The following CWF19L2 variants were observed in gnomAD, a reference collection of about 807,000 sequenced individuals.
CWF19L2 encodes CWF19 like cell cycle control factor 2.
A neutral mutation model predicts 111.7 loss-of-function variants in CWF19L2; 98 were observed. The ratio of observed to expected loss-of-function variants is 0.88; its 90% CI spans 0.75 to 1.04. The LOEUF is 1.04. Ranked by LOEUF, CWF19L2 falls within the 50% of genes least tolerant of loss-of-function variation. The pLI, the probability that CWF19L2 is intolerant of heterozygous loss-of-function variation, is 0.00. For missense variants in CWF19L2, 1,101 were observed against 1,051.4 expected, an observed-to-expected ratio of 1.05 and a Z score of -0.65; for synonymous variants, 351 against 342.9, an observed-to-expected ratio of 1.02 and a Z score of -0.26.
chr11:107,421,374 T>A (rs11212218), intron 8 of CWF19L2, among the ~76,000 whole-genome samples: 6,127 of 151,756 alleles, frequency 0.04, 155 homozygotes, highest in East Asian at 0.11. Context: ...AAACAAAGTT[T>A]AAAAAATTCA....
At chr11:107,337,418 A>C (rs1859943631) in intron 14 of CWF19L2, among the ~76,000 whole-genome samples, 1 of 149,174 alleles carries the variant, frequency 6.7e-6, no homozygotes, top group African/African-American at 2.5e-5. Context: ...TGTATTTCAC[A>C]CTCCTAGGCC....
Position 107,454,463 on chromosome 11 carries a change from G to T in CWF19L2, c.326C>A (p.Ser109Tyr). Reference protein sequence around the residue: ...KQKYEKNNESSDSSSSSEDEW... With the variant: ...KQKYEKNNESYDSSSSSEDEW... ...GTACATACTTACTGATGAGCTATCA[G>T]ATGACTCATTGTTTTTTTCATATTT... The change falls in exon 3 of 18, where the codon TCT becomes TAT. Residue 109 changes from serine to tyrosine, a missense_variant. Ser to Tyr is a moderately radical substitution (Grantham distance 144). Transcript: ENST00000282251. The T allele has an allele frequency of 6.9e-7, 1 of 1,439,738 alleles. No individual in the cohort carries two copies. The allele number at this position is 1,439,738 out of a possible 1,614,324, so 89.2% of individuals were successfully genotyped here.
At chr11:107,456,685 G>T (rs938872769) in intron 1 of CWF19L2, among the ~76,000 whole-genome samples, 8 of 151,918 alleles carry the variant, frequency 5.3e-5, no homozygotes, top group Non-Finnish European at 1.2e-4. Context: ...TCATGGAGAG[G>T]TAGTCCAACA....
At chr11:107,357,886 G>A (rs1860261982) in intron 12 of CWF19L2, among the ~76,000 whole-genome samples, 1 of 152,154 alleles carries the variant, frequency 6.6e-6, no homozygotes, top group Non-Finnish European at 1.5e-5. Flanking sequence ...GTGTAAGATG[G>A]AAAAAGTGAA....
intron 13 of CWF19L2, among the ~76,000 whole-genome samples, chr11:107,352,280 C>T (rs1439185862): frequency 1.7e-5 from 1 of 59,576 alleles, no homozygotes; most frequent in Non-Finnish European, 3.2e-5. Context: ...TTCGTGTTCC[C>T]ACGAAATGCA....
intron 12 of CWF19L2, among the ~76,000 whole-genome samples, chr11:107,379,350 G>T (rs1051175255): frequency 6.6e-6 from 1 of 152,206 alleles, no homozygotes; most frequent in Non-Finnish European, 1.5e-5. Flanking sequence ...GTTGCTATTG[G>T]TATTTGCTGG....
At chr11:107,434,672 C>CAAAA (rs71044301) in intron 6 of CWF19L2, among the ~76,000 whole-genome samples, 2 of 115,816 alleles carry the variant, frequency 1.7e-5, no homozygotes, top group Admixed American at 8.9e-5. Context: ...TATTACACAG[C>CAAAA]AAAAAAAAAA....
chr11:107,445,566 T>C (rs983055171), intron 3 of CWF19L2, among the ~76,000 whole-genome samples: 5 of 150,648 alleles, frequency 3.3e-5, no homozygotes, highest in Non-Finnish European at 5.9e-5. Flanking sequence ...ATCGTGCCAT[T>C]GCACTCCAGC....
At chr11:107,444,191 A>G (rs1341182065) in intron 3 of CWF19L2, among the ~76,000 whole-genome samples, 1 of 150,848 alleles carries the variant, frequency 6.6e-6, no homozygotes, top group African/African-American at 2.4e-5. Context: ...CCATTCTCAG[A>G]TGAACTTCTT....
At chr11:107,360,438 A>G (rs1860309487) in intron 12 of CWF19L2, among the ~76,000 whole-genome samples, 1 of 152,256 alleles carries the variant, frequency 6.6e-6, no homozygotes, top group Non-Finnish European at 1.5e-5. Context: ...CACTGCCACA[A>G]TAGACATACA....
At chr11:107,444,292 A>T (rs1436955202) in intron 3 of CWF19L2, among the ~76,000 whole-genome samples, 1 of 152,066 alleles carries the variant, frequency 6.6e-6, no homozygotes, top group East Asian at 1.9e-4. Context: ...CCATTAATCT[A>T]CTGAAACTTC....
chr11:107,382,105 G>A (rs182333958), intron 12 of CWF19L2, among the ~76,000 whole-genome samples: 36 of 152,252 alleles, frequency 2.4e-4, no homozygotes, highest in African/African-American at 7.5e-4. Flanking sequence ...CTGAGTTTAC[G>A]TTGCCAAGGT....
chr11:107,442,949 T>A lies in CWF19L2; in HGVS notation c.440A>T (p.Gln147Leu). Residue 147 changes from glutamine to leucine, a missense_variant, in exon 4 of 18, where the codon CAA (glutamine) becomes CTA (leucine). Physicochemically the swap from Gln to Leu is moderately radical, Grantham distance 113. Transcript: ENST00000282251. Reference sequence around the variant, plus strand: ...AAGTGGCTTGCTTACCTTGATAATTTGGGTGTCATCTTTTCCTGACTTTTC... The same window carrying A: ...AAGTGGCTTGCTTACCTTGATAATTAGGGTGTCATCTTTTCCTGACTTTTC... ...KDEKSGKDDTQIIKRDEWMTV... is the reference protein window; with the variant it reads ...KDEKSGKDDTLIIKRDEWMTV... 6.5e-7 allele frequency: 1 copy of A among 1,545,892 alleles called. No individual in the cohort carries two copies. The highest frequency in any genetic ancestry group is 8.8e-7 in the Non-Finnish European group (1 of 1,141,612).
At chr11:107,359,653 C>T (rs375175731) in intron 12 of CWF19L2, among the ~76,000 whole-genome samples, 3 of 152,062 alleles carry the variant, frequency 2.0e-5, no homozygotes, top group African/African-American at 7.2e-5. Context: ...TGGTTCACAC[C>T]TGTAATCCCA....
chr11:107,353,662 A>T lies in CWF19L2; in HGVS notation c.1947T>A (p.Arg649=). 7 of 1,613,790 alleles carry T rather than the reference A, an allele frequency of 4.3e-6. No homozygotes were observed. Among genetic ancestry groups the T allele is most frequent in the Non-Finnish European group, 5.9e-6 (7 of 1,179,776 alleles). ...MFVSKAAERE[R]LGEEEENQRK... ...TTTGGTTCTCTTCCTCTTCACCAAG[A>T]CGTTCTCTCTCAGCTGCTTTGGAGA... is the stretch of plus-strand genomic sequence containing the variant. The change falls in exon 13 of 18, where the codon CGT becomes CGA. Residue 649 remains arginine, a synonymous_variant. Transcript: ENST00000282251.
intron 10 of CWF19L2, among the ~76,000 whole-genome samples, chr11:107,408,187 T>C (rs1285288435): frequency 6.6e-6 from 1 of 152,026 alleles, no homozygotes; most frequent in Non-Finnish European, 1.5e-5. Flanking sequence ...ACTGTAATTA[T>C]ATATTTATAT....
Position 107,339,568 on chromosome 11 carries a change from T to C in CWF19L2, c.2203-2855A>G, listed in dbSNP as rs1277611676. ...ACTGTGATTTTAATTTGCATTTTCCTAAGGGCCAATGATATTAAATATCAT... is the reference window on the plus strand; with the variant it reads ...ACTGTGATTTTAATTTGCATTTTCCCAAGGGCCAATGATATTAAATATCAT... On this transcript the variant is annotated intron_variant, in intron 14 of 17. Transcript: ENST00000282251. 1.3e-5 allele frequency among the ~76,000 whole-genome samples: 2 copies of C among 152,090 alleles called. 1 individual carries two copies. The highest frequency in any genetic ancestry group is 2.9e-5 in the Non-Finnish European group (2 of 68,022).
intron 4 of CWF19L2, among the ~76,000 whole-genome samples, 178 bp downstream of exon 4, chr11:107,442,761 A>G (rs1475416184): frequency 2.8e-5 from 1 of 35,832 alleles, no homozygotes; most frequent in African/African-American, 1.4e-4. Flanking sequence ...GAAGGAAGGA[A>G]GGAAGGAAGG....
At chr11:107,448,650 T>C (rs1194014885) in intron 3 of CWF19L2, among the ~76,000 whole-genome samples, 5 of 152,128 alleles carry the variant, frequency 3.3e-5, no homozygotes, top group African/African-American at 1.2e-4. Flanking sequence ...CAAATTCTTA[T>C]GTTGAGATCC....
Sources: allele counts gnomAD v4.1 joint callset (sites outside exome capture counted in the v4.1 genomes callset), GRCh38; gene constraint gnomAD v4.1.1; transcripts MANE v1.5; gene names NCBI Gene and HGNC (gene_info 2026-07-23, HGNC 2026-07-21).